EML5: variants seen among roughly 807,000 people sequenced by gnomAD.
EML5 encodes the protein EMAP like 5.
Under a neutral mutation model 250.0 loss-of-function variants are expected in EML5, and 120 were observed. That is an observed-to-expected ratio of 0.48 (90% CI 0.41 to 0.56). EML5 has a LOEUF of 0.56. EML5 is among the 20% of genes least tolerant of loss of function. The probability of loss-of-function intolerance (pLI) is 0.00; values close to 1 mark genes in which losing one functional copy is unlikely to be tolerated. For missense variants in EML5, 2,006 were observed against 2,437.6 expected (o/e 0.82, Z 3.73); for synonymous variants, 771 against 806.5 (o/e 0.96, Z 0.75).
At chr14:88,750,467 A>G (rs1472436995) in intron 2 of EML5, among the ~76,000 whole-genome samples, 24 of 152,166 alleles carry the variant, frequency 1.6e-4, no homozygotes. Context: ...TACTGTGAAA[A>G]TTGACATATG....
chr14:88,650,541 C>T (rs193056850), intron 27 of EML5, among the ~76,000 whole-genome samples: 71 of 152,242 alleles, frequency 4.7e-4, no homozygotes, highest in African/African-American at 1.6e-3. Flanking sequence ...AAAACATCCA[C>T]GAAAGTATCA....
At chr14:88,650,428 T>C (rs554588894) in intron 27 of EML5, among the ~76,000 whole-genome samples, 2 of 152,164 alleles carry the variant, frequency 1.3e-5, no homozygotes, top group South Asian at 4.2e-4. Context: ...CACTCCAGCC[T>C]GGGCGACACA....
intron 29 of EML5, among the ~76,000 whole-genome samples, chr14:88,645,024 C>G (rs1006402992): frequency 6.7e-6 from 1 of 148,252 alleles, no homozygotes; most frequent in Non-Finnish European, 1.5e-5. Context: ...AGCCTTTTCT[C>G]TTCTTTCTTT....
chr14:88,649,789 T>C, intron 28 of EML5, 123 bp downstream of exon 28: 1 of 779,314 alleles, frequency 1.3e-6, no homozygotes, highest in East Asian at 2.9e-5. Context: ...TACTTCATTT[T>C]ATAATGCTTT....
At position 88,613,183 on chromosome 14, in the gene EML5, A is replaced by C. The variant is rs1334173625; in HGVS notation, c.*2635T>G. On this transcript the variant is annotated 3_prime_UTR_variant, in exon 44 of 44. Coordinates refer to ENST00000554922, the MANE Select transcript of EML5 (RefSeq NM_183387.3). ...CTTTGCTGTGCTGATCCCACAGGAAAGGCTTGAAACACGAGAAGCAGCAAA... is the reference window on the plus strand; with the variant it reads ...CTTTGCTGTGCTGATCCCACAGGAACGGCTTGAAACACGAGAAGCAGCAAA... 3 of 152,272 alleles carry C rather than the reference A, an allele frequency of 2.0e-5. No individual in the cohort carries two copies. The East Asian group carries it at 5.8e-4, about 30-fold the overall frequency. The allele number at this position is 152,272 out of a possible 1,614,324, so 9.4% of individuals were successfully genotyped here.
chr14:88,657,280 T>G, intron 27 of EML5, 96 bp downstream of exon 27: 1 of 1,202,100 alleles, frequency 8.3e-7, no homozygotes, highest in African/African-American at 1.5e-5. Context: ...AGAATATCAC[T>G]GTTACTTAGT....
At chr14:88,778,369 CT>C (rs542943546) in intron 1 of EML5, among the ~76,000 whole-genome samples, 161 of 152,326 alleles carry the variant, frequency 1.1e-3, no homozygotes, top group Non-Finnish European at 1.9e-3. Flanking sequence ...GAGTTAAAAA[CT>C]TCAATTTTGA....
At chr14:88,630,631 G>A (rs2090389162) in intron 33 of EML5, among the ~76,000 whole-genome samples, 1 of 152,160 alleles carries the variant, frequency 6.6e-6, no homozygotes, top group African/African-American at 2.4e-5. Flanking sequence ...AAACCAATCA[G>A]CACATGGTAT....
intron 6 of EML5, among the ~76,000 whole-genome samples, chr14:88,738,138 T>C (rs552921842): frequency 3.5e-4 from 53 of 152,316 alleles, no homozygotes; most frequent in Non-Finnish European, 6.0e-4. Context: ...AGCACAATAA[T>C]GTTTAGCAAA....
intron 1 of EML5, among the ~76,000 whole-genome samples, chr14:88,756,821 A>G (rs2094167171): frequency 6.6e-6 from 1 of 152,100 alleles, no homozygotes; most frequent in African/African-American, 2.4e-5. Flanking sequence ...ACTGAAGGAC[A>G]TTTTAAAAGA....
intron 33 of EML5, among the ~76,000 whole-genome samples, chr14:88,633,650 A>G (rs1348744753): frequency 6.6e-6 from 1 of 152,202 alleles, no homozygotes; most frequent in Non-Finnish European, 1.5e-5. Context: ...AGTGTCATCT[A>G]TAGCCTCTGT....
At chr14:88,635,623 A>G (rs138302717) in intron 32 of EML5, among the ~76,000 whole-genome samples, 1 of 152,256 alleles carries the variant, frequency 6.6e-6, no homozygotes, top group Non-Finnish European at 1.5e-5. Context: ...TCTGGAAGGC[A>G]GATACCAATT....
rs183068377 is a variant in EML5, at chr14:88,758,070, T to G, written c.198-3399A>C. On this transcript the variant is annotated intron_variant, in intron 1 of 43. Transcript: ENST00000554922. ...TGGGGTCTCCCTATGTTGCCCAGAC[T>G]GGTCTCAAACTTTTGGGCTTAAGAG... Among the ~76,000 whole-genome samples, 1,124 of 149,862 alleles carry G rather than the reference T, an allele frequency of 7.5e-3. 15 individuals carry two copies. The highest frequency in any genetic ancestry group is 8.1e-3 in the Non-Finnish European group (546 of 67,680).
At position 88,708,871 on chromosome 14, in the gene EML5, T is replaced by C. The variant is rs186181694; in HGVS notation, c.1658-2445A>G. On this transcript the variant is annotated intron_variant, in intron 10 of 43. Coordinates refer to ENST00000554922, the MANE Select transcript of EML5 (RefSeq NM_183387.3). ...GAATAGTTAAGGCCTAAACAGTGTATCATCAATTAGTACAAATATCTCAGA... is the reference window on the plus strand; with the variant it reads ...GAATAGTTAAGGCCTAAACAGTGTACCATCAATTAGTACAAATATCTCAGA... Among the ~76,000 whole-genome samples the C allele has an allele frequency of 6.0e-4, 92 of 152,220 alleles. 1 individual carries two copies. In the East Asian group the frequency reaches 0.016, roughly 26 times the overall value.
chr14:88,667,501 A>G (rs1006625926), intron 21 of EML5, among the ~76,000 whole-genome samples: 3 of 152,192 alleles, frequency 2.0e-5, no homozygotes, highest in Admixed American at 6.5e-5. Flanking sequence ...ATTGTACTGA[A>G]GTTCAAATGT....
intron 7 of EML5, among the ~76,000 whole-genome samples, chr14:88,732,078 C>A (rs1393987229): frequency 6.6e-6 from 1 of 152,126 alleles, no homozygotes; most frequent in Non-Finnish European, 1.5e-5. Context: ...AATTAGATCC[C>A]ATTTGTCAAT....
At chr14:88,728,759 A>G (rs1212494082) in intron 7 of EML5, among the ~76,000 whole-genome samples, 4 of 152,134 alleles carry the variant, frequency 2.6e-5, no homozygotes, top group Non-Finnish European at 4.4e-5. Flanking sequence ...TTCAAATTAT[A>G]TATCATTTTA....
chr14:88,644,485 T>C lies in EML5; in HGVS notation c.4055A>G (p.Gln1352Arg). ...SRPPVSRAPPQPEKLQTNNVG... is the reference protein window; with the variant it reads ...SRPPVSRAPPRPEKLQTNNVG... Reference sequence around the variant, plus strand: ...ATTGTTTGTCTGGAGTTTCTCTGGCTGTGGTGGGGCCCTGCTCACTGGAGG... The same window carrying C: ...ATTGTTTGTCTGGAGTTTCTCTGGCCGTGGTGGGGCCCTGCTCACTGGAGG... Residue 1352 changes from glutamine (Q) to arginine (R), a missense_variant, in exon 30 of 44, where the codon CAG becomes CGG. By Grantham distance (43) the Gln-to-Arg change is conservative. Transcript: ENST00000554922. 6.2e-7 allele frequency: 1 copy of C among 1,613,804 alleles called. No individual in the cohort carries two copies. Among genetic ancestry groups the C allele is most frequent in the Non-Finnish European group, 8.5e-7 (1 of 1,179,814 alleles).
chr14:88,634,405 G>A, intron 33 of EML5, 64 bp downstream of exon 33: 4 of 1,110,434 alleles, frequency 3.6e-6, no homozygotes, highest in Non-Finnish European at 5.0e-6. Flanking sequence ...TTGAACTTAA[G>A]TTTAATATGC....
Sources: allele counts gnomAD v4.1 joint callset (sites outside exome capture counted in the v4.1 genomes callset), GRCh38; gene constraint gnomAD v4.1.1; transcripts MANE v1.5; gene names NCBI Gene and HGNC (gene_info 2026-07-23, HGNC 2026-07-21).